MAN2A1: variants seen among roughly 807,000 people sequenced by gnomAD.
The protein encoded by MAN2A1 is alpha-mannosidase 2.
In MAN2A1, 76 loss-of-function variants were observed where a neutral mutation model predicts 142.6. The ratio of observed to expected loss-of-function variants is 0.53; its 90% confidence interval spans 0.44 to 0.65. The LOEUF (loss-of-function observed/expected upper bound fraction) is 0.65. Among genes scored for constraint, MAN2A1 ranks in the 30% least tolerant of loss-of-function variants. The pLI is 0.00. For synonymous variants in MAN2A1, 559 were observed against 473.2 expected (o/e 1.18, Z -2.35); for missense variants, 1,311 against 1,365.1 (o/e 0.96, Z 0.62).
At chr5:109,807,596 G>A (rs1754200738) in intron 12 of MAN2A1, among the ~76,000 whole-genome samples, 1 of 152,098 alleles carries the variant, frequency 6.6e-6, no homozygotes, top group South Asian at 2.1e-4. Context: ...TGGTTCTGTT[G>A]TCACATAGTC....
intron 12 of MAN2A1, among the ~76,000 whole-genome samples, chr5:109,796,003 G>T (rs1275694587): frequency 3.3e-5 from 5 of 152,122 alleles, no homozygotes; most frequent in Admixed American, 2.0e-4. Flanking sequence ...TGATTATCAT[G>T]AATCAGTTAT....
chr5:109,857,372 T>G (rs568608753), intron 20 of MAN2A1, among the ~76,000 whole-genome samples: 1 of 152,334 alleles, frequency 6.6e-6, no homozygotes, highest in South Asian at 2.1e-4. Flanking sequence ...CATAAATTCA[T>G]GAGCTAAAAG....
intron 4 of MAN2A1, among the ~76,000 whole-genome samples, chr5:109,750,208 G>A (rs1752509238): frequency 6.6e-6 from 1 of 151,986 alleles, no homozygotes; most frequent in South Asian, 2.1e-4. Flanking sequence ...CTCATCAGAT[G>A]CTTCCTTAAG....
chr5:109,819,487 T>C (rs1027072440), intron 13 of MAN2A1, among the ~76,000 whole-genome samples, 182 bp from the exon 14 acceptor site: 25 of 152,190 alleles, frequency 1.6e-4, no homozygotes, highest in African/African-American at 4.3e-4. Flanking sequence ...TGTTTTTTTT[T>C]CAAACATTTT....
chr5:109,767,546 C>G lies in MAN2A1; in HGVS notation c.847C>G (p.Arg283Gly). ...WLENNIGVKP[R>G]SGWAIDPFGH... Reference sequence around the variant, plus strand: ...ATCTTTATCCACAGGAGTGAAACCTCGGTCCGGCTGGGCTATTGATCCCTT... The same window carrying G: ...ATCTTTATCCACAGGAGTGAAACCTGGGTCCGGCTGGGCTATTGATCCCTT... Residue 283 changes from arginine to glycine, a missense_variant, in exon 6 of 22, where the codon CGG becomes GGG. Around this residue, in one of 3 missense-constraint regions of MAN2A1, gnomAD observed 409 missense variants for 412.7 expected, o/e 0.99. Coordinates refer to ENST00000261483, the MANE Select transcript of MAN2A1 (RefSeq NM_002372.4). 1 of 1,611,556 alleles carries G rather than the reference C, an allele frequency of 6.2e-7. No homozygotes were observed. Among genetic ancestry groups the G allele is most frequent in the Non-Finnish European group, 8.5e-7 (1 of 1,179,118 alleles).
chr5:109,742,605 A>G (rs1389699809), intron 4 of MAN2A1, among the ~76,000 whole-genome samples: 4 of 152,346 alleles, frequency 2.6e-5, no homozygotes, highest in South Asian at 2.1e-4. Context: ...AAATTGGACT[A>G]TTAATCTTCC....
At chr5:109,754,627 G>A (rs558515466) in intron 4 of MAN2A1, among the ~76,000 whole-genome samples, 1 of 152,332 alleles carries the variant, frequency 6.6e-6, no homozygotes, top group South Asian at 2.1e-4. Flanking sequence ...TGTGCTTAAA[G>A]TGACAGCCCT....
At chr5:109,840,684 C>T in intron 16 of MAN2A1, 4 of 435,780 alleles carry the variant, frequency 9.2e-6, no homozygotes, top group Non-Finnish European at 1.3e-5. Context: ...TCTGCTTTAT[C>T]AGTCATTGTT....
chr5:109,785,060 T>C, intron 10 of MAN2A1, 134 bp downstream of exon 10: 1 of 594,350 alleles, frequency 1.7e-6, no homozygotes. Context: ...TATTACTGTA[T>C]CAAAACAGCA....
intron 12 of MAN2A1, among the ~76,000 whole-genome samples, chr5:109,805,472 T>C (rs1754140914): frequency 6.6e-6 from 1 of 152,224 alleles, no homozygotes; most frequent in African/African-American, 2.4e-5. Flanking sequence ...TTTGTAGTTT[T>C]AAGTTGCATT....
Position 109,828,532 on chromosome 5 carries a change from T to C in MAN2A1, c.2566+4695T>C, listed in dbSNP as rs1251547199. Among the ~76,000 whole-genome samples, 4 of 152,370 alleles carry C rather than the reference T, an allele frequency of 2.6e-5. No individual in the cohort carries two copies. In the South Asian group the frequency reaches 6.2e-4, roughly 24 times the overall value. On this transcript the variant is annotated intron_variant, in intron 16 of 21. Transcript: ENST00000261483. ...CTTCAGAGCTGTAATTATTGGACTT[T>C]AGTGTCCTAGTTTCTGATATCAACA...
rs932580317 is a variant in MAN2A1 at position 109,781,681 on chromosome 5, T to G, written c.1577+83T>G. ...TTTGTAGAGTTTTACGTAATATACA[T>G]CATTCATGTAGTACATTATGTAGTG... On this transcript the variant is annotated intron_variant, in intron 9 of 21. Coordinates refer to ENST00000261483, the MANE Select transcript of MAN2A1 (RefSeq NM_002372.4). 3 of 887,156 alleles carry G rather than the reference T, an allele frequency of 3.4e-6. No individual in the cohort carries two copies. The African/African-American group carries it at 5.1e-5, about 15-fold the overall frequency. 55.0% of individuals were successfully genotyped at this position (887,156 alleles called of 1,614,324 possible).
Position 109,845,966 on chromosome 5 carries a change from G to A in MAN2A1, c.2802G>A (p.Leu934=). Reference sequence around the variant, plus strand: ...AGGATGCCAAACATCGTTTGACACTGCTCTCTGCTCAGTCATTAGGGGTTT... The same window carrying A: ...AGGATGCCAAACATCGTTTGACACTACTCTCTGCTCAGTCATTAGGGGTTT... ...YIQDAKHRLT[L]LSAQSLGVSS... The change falls in exon 18 of 22, where the codon CTG becomes CTA. Residue 934 remains leucine (L), a synonymous_variant. Transcript: ENST00000261483. 1 of 1,613,466 alleles carries A rather than the reference G, an allele frequency of 6.2e-7. No homozygotes were observed. Among genetic ancestry groups the A allele is most frequent in the Admixed American group, 1.7e-5 (1 of 59,994 alleles).
chr5:109,808,764 TAC>T (rs1754240142), intron 12 of MAN2A1, among the ~76,000 whole-genome samples: 2 of 150,110 alleles, frequency 1.3e-5, no homozygotes, highest in South Asian at 4.2e-4. Context: ...AGTGCAGTGA[TAC>T]AGTCTCGGCT....
intron 12 of MAN2A1, among the ~76,000 whole-genome samples, chr5:109,801,604 A>G (rs1364018722): frequency 1.3e-5 from 2 of 152,194 alleles, no homozygotes; most frequent in Non-Finnish European, 2.9e-5. Flanking sequence ...TAACTAGATC[A>G]AAAAGCAGCT....
At position 109,842,335 on chromosome 5, in the gene MAN2A1, A is replaced by C. The variant is rs151185042; in HGVS notation, c.2574A>C (p.Glu858Asp). 1.3e-6 allele frequency: 2 copies of C among 1,548,810 alleles called. No individual in the cohort carries two copies. The highest frequency in any genetic ancestry group is 2.8e-5 in the African/African-American group (2 of 72,328). Reference protein sequence around the residue: ...RVRLYHIQGIEGQSVEVSNIV... With the variant: ...RVRLYHIQGIDGQSVEVSNIV... ...ATATTTTTTTAAATTTAGGAATAGA[A>C]GGACAGTCTGTGGAAGTTTCCAATA... The change falls in exon 17 of 22, where the codon GAA becomes GAC. Residue 858 changes from glutamate (E) to aspartate (D), a missense_variant. Physicochemically the swap from Glu to Asp is conservative, Grantham distance 45 (BLOSUM62 2). Around this residue, in one of 3 missense-constraint regions of MAN2A1, gnomAD observed 890 missense variants for 920.5 expected, o/e 0.97. Transcript: ENST00000261483.
chr5:109,691,249 G>A (rs1750663429), intron 1 of MAN2A1, among the ~76,000 whole-genome samples: 1 of 152,124 alleles, frequency 6.6e-6, no homozygotes, highest in Non-Finnish European at 1.5e-5. Context: ...AATGAGTTGG[G>A]AAGACGACCC....
In MAN2A1 at chr5:109,772,503, C is replaced by T. The variant is rs144884254; in HGVS notation, c.1196+1962C>T. ...AACACAGGCATTCCAGCTCATTGGC[C>T]CCTTTCAAGCTCCCCACTTTTTTTG... On this transcript the variant is annotated intron_variant, in intron 7 of 21. Transcript: ENST00000261483. Among the ~76,000 whole-genome samples the T allele has an allele frequency of 5.3e-5, 8 of 152,208 alleles. No homozygotes were observed. In the East Asian group the frequency reaches 1.5e-3, roughly 29 times the overall value.
intron 1 of MAN2A1, among the ~76,000 whole-genome samples, chr5:109,703,980 T>C (rs1484765208): frequency 6.6e-6 from 1 of 152,226 alleles, no homozygotes; most frequent in Non-Finnish European, 1.5e-5. Flanking sequence ...GAGCTGGTGC[T>C]GTCTCCTGGA....
Sources: allele counts gnomAD v4.1 joint callset (sites outside exome capture counted in the v4.1 genomes callset), GRCh38; gene constraint gnomAD v4.1.1; regional missense constraint gnomAD v4.1.1; transcripts MANE v1.5; gene names NCBI Gene and HGNC (gene_info 2026-07-23, HGNC 2026-07-21).